The following MCTP2 variants were observed in gnomAD, a reference collection of about 807,000 sequenced individuals.
The protein encoded by MCTP2 is multiple C2 and transmembrane domain-containing protein 2.
A neutral mutation model predicts 111.6 loss-of-function variants in MCTP2; 132 were observed. The observed-to-expected ratio is 1.18, with a 90% CI of 1.03 to 1.37. The LOEUF (loss-of-function observed/expected upper bound fraction) is 1.37. Among genes scored for constraint, MCTP2 ranks in the 40% most tolerant of loss-of-function variants. The pLI is 0.00. For synonymous variants in MCTP2, 395 were observed against 387.7 expected (o/e 1.02, Z -0.22); for missense variants, 1,183 against 1,067.9 (o/e 1.11, Z -1.50).
chr15:94,347,901 T>TACAC (rs57419585), intron 8 of MCTP2, among the ~76,000 whole-genome samples: 89 of 149,430 alleles, frequency 6.0e-4, no homozygotes, highest in Non-Finnish European at 8.4e-4. Context: ...CACACAGACA[T>TACAC]ACACACACAC....
At chr15:94,264,733 C>G (rs774143337) in intron 1 of MCTP2, among the ~76,000 whole-genome samples, 1 of 152,180 alleles carries the variant, frequency 6.6e-6, no homozygotes, top group Non-Finnish European at 1.5e-5. Context: ...CACTCAGTTA[C>G]TTATATGTAA....
intron 15 of MCTP2, 54 bp downstream of exon 15, chr15:94,399,116 G>T: frequency 1.1e-6 from 1 of 931,756 alleles, no homozygotes; most frequent in Non-Finnish European, 1.7e-6. Flanking sequence ...AATAGAAGGT[G>T]ACCAGCCTTT....
intron 17 of MCTP2, chr15:94,402,762 C>T (rs1002630664): frequency 1.4e-6 from 2 of 1,425,616 alleles, no homozygotes; most frequent in Admixed American, 5.7e-5. Flanking sequence ...ATCAAGTCTC[C>T]CGACTGCAAA....
At chr15:94,336,779 ACTG>A (rs1261256893) in intron 4 of MCTP2, among the ~76,000 whole-genome samples, 1 of 151,728 alleles carries the variant, frequency 6.6e-6, no homozygotes, top group East Asian at 1.9e-4. Flanking sequence ...GTATATATGT[ACTG>A]CTGTGTGTTT....
Position 94,390,725 on chromosome 15 carries a change from C to CTTTTTTT in MCTP2, c.1788+5216_1788+5222dup, listed in dbSNP as rs777312969. Among the ~76,000 whole-genome samples the CTTTTTTT allele has an allele frequency of 5.0e-4, 56 of 112,986 alleles. 1 individual carries two copies. Among genetic ancestry groups the CTTTTTTT allele is most frequent in the African/African-American group, 9.9e-4 (29 of 29,264 alleles). The allele number at this position is 112,986 out of a possible 152,430, so 74.1% of individuals were successfully genotyped here. A position where few individuals can be genotyped will look rare whatever the true frequency, so the allele number is the denominator to read the frequency against. Reference sequence around the variant, plus strand: ...GAAGACCTGCAATTTCTTTTCTTTTCTTTTTTTTTTTTTTTTTTTTTTGGG... The same window carrying CTTTTTTT: ...GAAGACCTGCAATTTCTTTTCTTTTCTTTTTTTTTTTTTTTTTTTTTTTTTTTTTGGG... On this transcript the variant is annotated intron_variant, in intron 14 of 22. Coordinates refer to ENST00000357742, the MANE Select transcript of MCTP2 (RefSeq NM_001385001.1).
Position 94,298,546 on chromosome 15 carries a change from G to C in MCTP2, c.281G>C (p.Ser94Thr), listed in dbSNP as rs1268846383. 6 of 1,614,152 alleles carry C rather than the reference G, an allele frequency of 3.7e-6. No individual in the cohort carries two copies. In the South Asian group the frequency reaches 5.5e-5, roughly 15 times the overall value. Residue 94 changes from serine (S) to threonine (T), a missense_variant, in exon 2 of 23, where the codon AGC becomes ACC. By Grantham distance (58) the Ser-to-Thr change is moderately conservative. Transcript: ENST00000357742. The part of the protein sequence containing the change: ...TAGIFPKSSS[S>T]SLKQSEEELD... ...GGGATCTTTCCCAAGAGCAGCAGTA[G>C]CTCCTTGAAACAGTCTGAAGAAGAA...
intron 1 of MCTP2, among the ~76,000 whole-genome samples, chr15:94,255,794 A>G (rs914366344): frequency 3.9e-5 from 6 of 152,226 alleles, no homozygotes; most frequent in Admixed American, 2.0e-4. Flanking sequence ...GAAATGAAGT[A>G]GAGCTAGGAA....
intron 4 of MCTP2, among the ~76,000 whole-genome samples, chr15:94,325,580 T>G (rs59107684): frequency 0.071 from 10,780 of 152,156 alleles, 967 homozygotes; most frequent in African/African-American, 0.2. Flanking sequence ...GTGTGAGGGT[T>G]GTGAAAGGTG....
chr15:94,360,852 A>G (rs1567525641), intron 10 of MCTP2, among the ~76,000 whole-genome samples: 1 of 147,034 alleles, frequency 6.8e-6, no homozygotes, highest in African/African-American at 2.5e-5. Context: ...ATTTTAAAGA[A>G]TTTTTTTTTT....
chr15:94,429,292 T>A (rs74029075), intron 17 of MCTP2, among the ~76,000 whole-genome samples: 126 of 152,258 alleles, frequency 8.3e-4, no homozygotes, highest in African/African-American at 2.9e-3. Flanking sequence ...TGCCTCATAA[T>A]TTTATTTATC....
chr15:94,349,504 C>T (rs2078179823), intron 8 of MCTP2, among the ~76,000 whole-genome samples: 1 of 151,912 alleles, frequency 6.6e-6, no homozygotes, highest in African/African-American at 2.4e-5. Flanking sequence ...ATTATCCTGG[C>T]CTTTCAGGTG....
In MCTP2 at chr15:94,258,507, A is replaced by G. The variant is rs535927151; in HGVS notation, c.-66+26843A>G. On this transcript the variant is annotated intron_variant, in intron 1 of 22. Transcript: ENST00000357742. ...GGTGCATGCATGGTGTAGTTTGTAA[A>G]TGTAAGAGTGACTTGAGACAGATGA... Among the ~76,000 whole-genome samples, 13 of 152,284 alleles carry G rather than the reference A, an allele frequency of 8.5e-5. No homozygotes were observed. In the South Asian group the frequency reaches 2.7e-3, roughly 32 times the overall value.
intron 1 of MCTP2, among the ~76,000 whole-genome samples, chr15:94,236,698 A>G (rs1183911507): frequency 1.3e-5 from 2 of 152,164 alleles, no homozygotes; most frequent in African/African-American, 2.4e-5. Flanking sequence ...AGGCACCAGA[A>G]GAGATACAGT....
intron 21 of MCTP2, among the ~76,000 whole-genome samples, chr15:94,475,537 G>C (rs2074281671): frequency 6.6e-6 from 1 of 152,146 alleles, no homozygotes. Context: ...ATGTTACCTT[G>C]ACTTCTGAGT....
At chr15:94,381,374 G>A (rs574171799) in intron 12 of MCTP2, among the ~76,000 whole-genome samples, 142 of 152,266 alleles carry the variant, frequency 9.3e-4, no homozygotes, top group Admixed American at 1.4e-3. Context: ...AGCTTTGACT[G>A]AATTATCTTC....
At chr15:94,258,501 T>C (rs1344541688) in intron 1 of MCTP2, among the ~76,000 whole-genome samples, 2 of 152,152 alleles carry the variant, frequency 1.3e-5, no homozygotes. Context: ...ATGGTGTAGT[T>C]TGTAAATGTA....
rs780195237 is a variant in MCTP2, at chr15:94,367,663, C to T, written c.1360C>T (p.Leu454=). ...LKQANCLELP[L]DSCLGALLML... is the part of the protein sequence containing the mutation. ...GCAAGCCAACTGCCTGGAGCTGCCACTGGACAGCTGTCTGGGGGCTCTCCT... is the reference window on the plus strand; with the variant it reads ...GCAAGCCAACTGCCTGGAGCTGCCATTGGACAGCTGTCTGGGGGCTCTCCT... The change falls in exon 11 of 23, where the codon CTG becomes TTG. Residue 454 remains leucine (L), a synonymous_variant. Coordinates refer to ENST00000357742, the MANE Select transcript of MCTP2 (RefSeq NM_001385001.1). 2 of 1,612,110 alleles carry T rather than the reference C, an allele frequency of 1.2e-6. No homozygotes were observed. Among genetic ancestry groups the T allele is most frequent in the Non-Finnish European group, 1.7e-6 (2 of 1,178,956 alleles).
intron 8 of MCTP2, among the ~76,000 whole-genome samples, chr15:94,349,279 A>T (rs1322525598): frequency 2.6e-5 from 4 of 152,108 alleles, no homozygotes; most frequent in African/African-American, 4.8e-5. Flanking sequence ...TCCACACCAG[A>T]GGGACAGAGG....
chr15:94,468,631 T>G (rs1181191230), intron 20 of MCTP2, among the ~76,000 whole-genome samples: 5 of 152,090 alleles, frequency 3.3e-5, no homozygotes, highest in African/African-American at 1.2e-4. Flanking sequence ...TTAAAAACAA[T>G]AACACTCAGT....
Sources: allele counts gnomAD v4.1 joint callset (sites outside exome capture counted in the v4.1 genomes callset), GRCh38; gene constraint gnomAD v4.1.1; transcripts MANE v1.5; gene names NCBI Gene and HGNC (gene_info 2026-07-23, HGNC 2026-07-21).